The following AGAP1 variants were observed in gnomAD, a reference collection of about 807,000 sequenced individuals.
The protein encoded by AGAP1 is ArfGAP with GTPase domain, ankyrin repeat and PH domain 1.
AGAP1 carries 29 observed loss-of-function variants against 105.3 expected under a neutral mutation model. The observed-to-expected ratio is 0.28, with a 90% CI of 0.21 to 0.38. AGAP1 has a LOEUF of 0.38. Among genes scored for constraint, AGAP1 ranks in the 10% least tolerant of loss-of-function variants. The probability of loss-of-function intolerance (pLI) is 1.00; values close to 1 mark genes in which losing one functional copy is unlikely to be tolerated. For synonymous variants in AGAP1, 509 were observed against 485.9 expected (o/e 1.05, Z -0.63); for missense variants, 998 against 1,165.1 (o/e 0.86, Z 2.09).
intron 6 of AGAP1, among the ~76,000 whole-genome samples, chr2:235,784,814 C>T (rs750203999): frequency 4.6e-5 from 7 of 152,024 alleles, no homozygotes; most frequent in Non-Finnish European, 8.8e-5. Context: ...CAAAACTTCC[C>T]CAGAGGAACT....
chr2:235,810,396 C>G (rs1250024163), intron 9 of AGAP1, among the ~76,000 whole-genome samples: 1 of 152,144 alleles, frequency 6.6e-6, no homozygotes, highest in Admixed American at 6.5e-5. Flanking sequence ...TGGACCTTTG[C>G]CTAATGGCAG....
Position 235,943,228 on chromosome 2 carries a change from G to A in AGAP1, c.1483+12305G>A, listed in dbSNP as rs114907344. ...CTAGGAACCCAACAGGTTAAGAACC[G>A]TCAATCATACTGCCTCCCTGGTGAC... On this transcript the variant is annotated intron_variant, in intron 12 of 17. Coordinates refer to ENST00000304032, the MANE Select transcript of AGAP1 (RefSeq NM_001037131.3). Among the ~76,000 whole-genome samples, 1,157 of 152,258 alleles carry A rather than the reference G, an allele frequency of 7.6e-3. 13 individuals are homozygous for A. The highest frequency in any genetic ancestry group is 0.026 in the African/African-American group (1,099 of 41,530).
chr2:235,638,046 A>C (rs1333366866), intron 1 of AGAP1, among the ~76,000 whole-genome samples: 1 of 152,186 alleles, frequency 6.6e-6, no homozygotes, highest in Admixed American at 6.5e-5. Context: ...ACACCCTCAT[A>C]GACACACCCA....
In AGAP1 at chr2:236,121,396, G is replaced by T. The variant is rs1420660502; in HGVS notation, c.2370+949G>T. Among the ~76,000 whole-genome samples, 1 of 152,176 alleles carries T rather than the reference G, an allele frequency of 6.6e-6. No homozygotes were observed. The highest frequency in any genetic ancestry group is 2.4e-5 in the African/African-American group (1 of 41,446). ...GCTCACTGCAACCTCCGCCTCCCAGGTTCAAGCAATTCTCCTGCCTCAGCC... is the reference window on the plus strand; with the variant it reads ...GCTCACTGCAACCTCCGCCTCCCAGTTTCAAGCAATTCTCCTGCCTCAGCC... On this transcript the variant is annotated intron_variant, in intron 17 of 17. Transcript: ENST00000304032. This position sits in a 1 kb window ranked among gnomAD's most constrained non-coding sequence, Gnocchi z 4.9.
chr2:235,945,472 A>G (rs1397411460), intron 12 of AGAP1, among the ~76,000 whole-genome samples: 1 of 152,346 alleles, frequency 6.6e-6, no homozygotes, highest in East Asian at 1.9e-4. Flanking sequence ...GGATGTTGGT[A>G]TCTGTTGCAC....
rs748933221 is a variant in AGAP1 at position 235,807,345 on chromosome 2, C to G, written c.1050+14C>G. ...CCAATTAAACAGGTGAGCAGCCTCC[C>G]CATCCTTCCCTCCCTGTCGCCGGAG... On this transcript the variant is annotated intron_variant, in intron 9 of 17. Coordinates refer to ENST00000304032, the MANE Select transcript of AGAP1 (RefSeq NM_001037131.3). The G allele has an allele frequency of 1.3e-6, 2 of 1,572,322 alleles. No individual in the cohort carries two copies. The highest frequency in any genetic ancestry group is 4.6e-5 in the East Asian group (2 of 43,194).
intron 1 of AGAP1, among the ~76,000 whole-genome samples, chr2:235,495,429 G>T (rs1941273490): frequency 6.6e-6 from 1 of 152,240 alleles, no homozygotes; most frequent in South Asian, 2.1e-4. Flanking sequence ...CGCTGGAACC[G>T]GTAGTGTGCT....
intron 6 of AGAP1, chr2:235,776,916 G>A (rs1191369560): frequency 2.1e-6 from 1 of 470,988 alleles, no homozygotes; most frequent in Non-Finnish European, 4.4e-6. Context: ...CCGCCAAACT[G>A]GAATCAGCCT....
chr2:236,092,534 C>T lies in AGAP1; in HGVS notation c.2115-27658C>T, dbSNP rs1559267178. ...CAGCCTCCCGAGTAAGCTGGGATTA[C>T]AGGTGTCCGCCACCGTGCCCAGCTA... On this transcript the variant is annotated intron_variant, in intron 16 of 17. Transcript: ENST00000304032. This position sits in a 1 kb window ranked among gnomAD's most constrained non-coding sequence, Gnocchi z 4.7. 6.6e-6 allele frequency among the ~76,000 whole-genome samples: 1 copy of T among 152,078 alleles called. No homozygotes were observed. Among genetic ancestry groups the T allele is most frequent in the East Asian group, 1.9e-4 (1 of 5,178 alleles).
In AGAP1 at chr2:235,712,076, G is replaced by C. The variant is rs1405046721; in HGVS notation, c.222+2839G>C. Among the ~76,000 whole-genome samples the C allele has an allele frequency of 1.3e-5, 2 of 151,966 alleles. No homozygotes were observed. Among genetic ancestry groups the C allele is most frequent in the African/African-American group, 4.8e-5 (2 of 41,364 alleles). On this transcript the variant is annotated intron_variant, in intron 2 of 17. Transcript: ENST00000304032. This position sits in a 1 kb window ranked among gnomAD's most constrained non-coding sequence, Gnocchi z 6.0. ...GTCTCACTCTGTCACCCAGGCTGGA[G>C]TGCAGTGGCGCCATCTCGGCTCACT...
At chr2:235,697,449 G>A (rs1470621925) in intron 1 of AGAP1, among the ~76,000 whole-genome samples, 3 of 152,216 alleles carry the variant, frequency 2.0e-5, no homozygotes, top group African/African-American at 7.2e-5. Context: ...CCCCGATGAA[G>A]CAATGCTTCT....
At chr2:235,759,451 G>A (rs553679604) in intron 6 of AGAP1, among the ~76,000 whole-genome samples, 2 of 152,158 alleles carry the variant, frequency 1.3e-5, no homozygotes, top group East Asian at 3.9e-4. Context: ...TTACAGGCGT[G>A]AGCCACCGCG....
intron 1 of AGAP1, among the ~76,000 whole-genome samples, chr2:235,702,100 G>T (rs1950285495): frequency 6.6e-6 from 1 of 151,990 alleles, no homozygotes; most frequent in African/African-American, 2.4e-5. Context: ...CACGAGTTTT[G>T]TCTGGAATGC....
At chr2:235,649,862 A>G (rs1284611613) in intron 1 of AGAP1, among the ~76,000 whole-genome samples, 1 of 152,218 alleles carries the variant, frequency 6.6e-6, no homozygotes, top group Non-Finnish European at 1.5e-5. Context: ...CAGCTCCTCC[A>G]TGCAAGCATG....
intron 6 of AGAP1, among the ~76,000 whole-genome samples, chr2:235,791,584 A>G (rs139883137): frequency 3.3e-3 from 509 of 152,052 alleles, no homozygotes; most frequent in Non-Finnish European, 5.0e-3. Context: ...CTCTTTGGCC[A>G]GACTGGAGTA....
chr2:235,707,174 G>A (rs1239002638), intron 1 of AGAP1, among the ~76,000 whole-genome samples: 11 of 152,254 alleles, frequency 7.2e-5, no homozygotes, highest in Non-Finnish European at 7.3e-5. Context: ...TTTGCGGGCA[G>A]TGCAGGGAGA....
In AGAP1 at chr2:235,728,326, T is replaced by TGTGTGTGTGTGTGTGTGTGC. The variant is rs986896995; in HGVS notation, c.310+10683_310+10684insTGTGTGTGTGTGTGTGTGCG. Among the ~76,000 whole-genome samples, 14 of 151,740 alleles carry TGTGTGTGTGTGTGTGTGTGC rather than the reference T, an allele frequency of 9.2e-5. No homozygotes were observed. Among genetic ancestry groups the TGTGTGTGTGTGTGTGTGTGC allele is most frequent in the African/African-American group, 3.2e-4 (13 of 41,202 alleles). On this transcript the variant is annotated intron_variant, in intron 3 of 17. Coordinates refer to ENST00000304032, the MANE Select transcript of AGAP1 (RefSeq NM_001037131.3). The surrounding 1 kb of genome is among the most constrained non-coding windows in gnomAD (Gnocchi z 4.3). ...CTGTGTGTGTGTGTGTGTGTGTGTG[T>TGTGTGTGTGTGTGTGTGTGC]GCGTGCTCTTAAATCAATGTAAATT...
chr2:235,869,943 T>A (rs2049357777), intron 9 of AGAP1, among the ~76,000 whole-genome samples: 1 of 152,222 alleles, frequency 6.6e-6, no homozygotes, highest in Non-Finnish European at 1.5e-5. Context: ...AGCAGGAGTT[T>A]CCAGGCCTCC....
rs78006909 is a variant in AGAP1, at chr2:235,770,220, C to T, written c.673+19732C>T. On this transcript the variant is annotated intron_variant, in intron 6 of 17. Coordinates refer to ENST00000304032, the MANE Select transcript of AGAP1 (RefSeq NM_001037131.3). ...TCCGCCCACTGTAAGCTCCGCTCCC[C>T]GGGTTCATGCCATGCCATTCTCCTG... 2.1e-3 allele frequency among the ~76,000 whole-genome samples: 313 copies of T among 151,668 alleles called. 5 individuals carry two copies. In the South Asian group the frequency reaches 0.022, roughly 11 times the overall value.
Sources: gnomAD v4.1 joint callset for allele counts (sites outside exome capture counted in the v4.1 genomes callset) on GRCh38, gnomAD v4.1.1 for gene constraint, Gnocchi (gnomAD v3.1) non-coding constraint, MANE v1.5 for transcripts, NCBI Gene and HGNC (gene_info 2026-07-23, HGNC 2026-07-21) for gene names.